Variants in CDH24 observed in about 807,000 individuals in gnomAD.
The protein encoded by CDH24 is cadherin-24.
A neutral mutation model predicts 71.2 loss-of-function variants in CDH24; 61 were observed. The ratio of observed to expected loss-of-function variants is 0.86; its 90% CI spans 0.70 to 1.06. The LOEUF is 1.06. Ranked by LOEUF, CDH24 falls within the 50% of genes least tolerant of loss-of-function variation. The pLI is 0.00. For missense variants in CDH24, 961 were observed against 1,083.7 expected (o/e 0.89, Z 1.59); for synonymous variants, 440 against 470.2 (o/e 0.94, Z 0.83).
At position 23,055,436 on chromosome 14, in the gene CDH24, A is replaced by T; in HGVS notation, c.202-83T>A. ...GTCTAGGTTTGGGTAGAGCGTTGGGAGTCCTGAGGGACCAAGGTCATTGCA... is the reference window on the plus strand; with the variant it reads ...GTCTAGGTTTGGGTAGAGCGTTGGGTGTCCTGAGGGACCAAGGTCATTGCA... On this transcript the variant is annotated intron_variant, in intron 2 of 12. Transcript: ENST00000487137. The surrounding 1 kb of genome is among the most constrained non-coding windows in gnomAD (Gnocchi z 4.1). 1 of 1,584,266 alleles carries T rather than the reference A, an allele frequency of 6.3e-7. No homozygotes were observed.
rs376932486 is a variant in CDH24, at chr14:23,047,943, GCC to G, written c.*35_*36del. On this transcript the variant is annotated 3_prime_UTR_variant, in exon 12 of 13. Transcript: ENST00000487137. ...CTCACTCAGAGGGCCTGTGCCCGCT[GCC>G]CCCCCCCCGCGGTGGGCCGGGCCAG... is the stretch of plus-strand genomic sequence containing the variant. 6 of 1,094,218 alleles carry G rather than the reference GCC, an allele frequency of 5.5e-6. No individual in the cohort carries two copies. The highest frequency in any genetic ancestry group is 7.9e-5 in the East Asian group (2 of 25,428). The allele number at this position is 1,094,218 out of a possible 1,614,324, so 67.8% of individuals were successfully genotyped here. A position where few individuals can be genotyped will look rare whatever the true frequency, so the allele number is the denominator to read the frequency against.
At chr14:23,052,445 G>A in intron 8 of CDH24, 28 bp downstream of exon 8, 1 of 1,612,482 alleles carries the variant, frequency 6.2e-7, no homozygotes, top group Admixed American at 1.7e-5. Flanking sequence ...GGAGGCTGCT[G>A]CCGCCTTGTG....
At position 23,055,375 on chromosome 14, in the gene CDH24, G is replaced by A. The variant is rs2047120782; in HGVS notation, c.202-22C>T. 1.9e-6 allele frequency: 3 copies of A among 1,599,780 alleles called. No individual in the cohort carries two copies. The highest frequency in any genetic ancestry group is 2.6e-6 in the Non-Finnish European group (3 of 1,168,864). On this transcript the variant is annotated intron_variant, in intron 2 of 12. Transcript: ENST00000487137. The surrounding 1 kb of genome is among the most constrained non-coding windows in gnomAD (Gnocchi z 4.1). ...GCAGCTGCAGGGGTCACGAAAAGAT[G>A]GCAGAGGGCTCCAAGTACAGAGACA...
Position 23,049,935 on chromosome 14 carries a change from C to T in CDH24, c.1372G>A (p.Ala458Thr). The T allele has an allele frequency of 6.2e-7, 1 of 1,613,406 alleles. No individual in the cohort carries two copies. ...TVLATELDSS[A>T]QASRVQVAIQ... The stretch of plus-strand genomic sequence containing the variant: ...GCCACTTGCACGCGCGAGGCCTGTG[C>T]AGAACTGTCTGAAGGCAGAACACCA... Residue 458 changes from alanine to threonine, a missense_variant, in exon 9 of 13, where the codon GCA becomes ACA. By Grantham distance (58) the Ala-to-Thr change is moderately conservative. This residue lies in a region of CDH24 where 671 missense variants were observed against 810.9 expected (regional missense o/e 0.83). Transcript: ENST00000487137.
rs752997456 is a variant in CDH24 at position 23,048,264 on chromosome 14, C to T, written c.2062G>A (p.Ala688Thr). ...PPARRDVLPR[A>T]RVSRQPRPPG... The stretch of plus-strand genomic sequence containing the variant: ...GGTCTGGGCTGGCGCGACACCCGGG[C>T]CCGGGGCAACACGTCTCGGCGCGCG... The change falls in exon 12 of 13, where the codon GCC becomes ACC. Residue 688 changes from alanine (A) to threonine (T), a missense_variant. Physicochemically the swap from Ala to Thr is moderately conservative, Grantham distance 58 (BLOSUM62 0). Transcript: ENST00000487137. 2.0e-6 allele frequency: 3 copies of T among 1,488,910 alleles called. No individual in the cohort carries two copies. Among genetic ancestry groups the T allele is most frequent in the South Asian group, 1.3e-5 (1 of 78,826 alleles). 92.2% of individuals were successfully genotyped at this position (1,488,910 alleles called of 1,614,324 possible).
Position 23,053,479 on chromosome 14 carries a change from C to T in CDH24, c.1226+17G>A. Reference sequence around the variant, plus strand: ...GCCTGCCATCTGGCTCCCCAGCCCACATCCCAGCTCACCTACCTGATTGGG... The same window carrying T: ...GCCTGCCATCTGGCTCCCCAGCCCATATCCCAGCTCACCTACCTGATTGGG... On this transcript the variant is annotated intron_variant, in intron 7 of 12. Coordinates refer to ENST00000487137, the MANE Select transcript of CDH24 (RefSeq NM_144985.4). 1.9e-6 allele frequency: 3 copies of T among 1,550,630 alleles called. No individual in the cohort carries two copies.
chr14:23,048,605 C>G, intron 11 of CDH24, 126 bp from the exon 12 acceptor site: 1 of 910,704 alleles, frequency 1.1e-6, no homozygotes, highest in Non-Finnish European at 1.7e-6. Flanking sequence ...ATCTAGCAAA[C>G]CTTGCATTGA....
chr14:23,047,709 C>T lies in CDH24; in HGVS notation c.*271G>A, dbSNP rs772085574. The T allele has an allele frequency of 1.0e-4, 32 of 312,076 alleles. No individual in the cohort carries two copies. The highest frequency in any genetic ancestry group is 1.6e-4 in the Non-Finnish European group (27 of 170,608). 19.3% of individuals were successfully genotyped at this position (312,076 alleles called of 1,614,324 possible). On this transcript the variant is annotated 3_prime_UTR_variant, in exon 12 of 13. Coordinates refer to ENST00000487137, the MANE Select transcript of CDH24 (RefSeq NM_144985.4). ...AAGGAGAGGAATCACAGTGAGAGAT[C>T]GCAGGGCCAGGGCCAGGGCAGGAAA...
chr14:23,053,461 A>G (rs762853301), intron 7 of CDH24, 35 bp downstream of exon 7: 14 of 1,525,068 alleles, frequency 9.2e-6, no homozygotes, highest in Admixed American at 2.0e-5. Context: ...AGAGCCTGCC[A>G]TCTGGCTCCC....
In CDH24 at chr14:23,047,955, C is replaced by A; in HGVS notation, c.*25G>T. The A allele has an allele frequency of 7.7e-7, 1 of 1,292,256 alleles. No homozygotes were observed. Among genetic ancestry groups the A allele is most frequent in the Non-Finnish European group, 9.8e-7 (1 of 1,023,398 alleles). 80.0% of individuals were successfully genotyped at this position (1,292,256 alleles called of 1,614,324 possible). On this transcript the variant is annotated 3_prime_UTR_variant, in exon 12 of 13. Transcript: ENST00000487137. ...GCCTGTGCCCGCTGCCCCCCCCCCGCGGTGGGCCGGGCCAGCCCGGGCGCT... is the reference window on the plus strand; with the variant it reads ...GCCTGTGCCCGCTGCCCCCCCCCCGAGGTGGGCCGGGCCAGCCCGGGCGCT...
Position 23,054,098 on chromosome 14 carries a change from G to A in CDH24, c.972+43C>T. The A allele has an allele frequency of 6.5e-7, 1 of 1,530,748 alleles. No individual in the cohort carries two copies. The highest frequency in any genetic ancestry group is 8.8e-7 in the Non-Finnish European group (1 of 1,135,190). 94.8% of individuals were successfully genotyped at this position (1,530,748 alleles called of 1,614,324 possible). ...TAAATATGTGCCCTGTGGGTCGGCA[G>A]GAGGCAGGTCTAAGAGAAAGCATTA... On this transcript the variant is annotated intron_variant, in intron 6 of 12. Transcript: ENST00000487137. This position sits in a 1 kb window ranked among gnomAD's most constrained non-coding sequence, Gnocchi z 5.2.
Position 23,057,410 on chromosome 14 carries a change from T to C in CDH24, c.-132A>G, listed in dbSNP as rs1008980320. 1 of 152,006 alleles carries C rather than the reference T, an allele frequency of 6.6e-6. No individual in the cohort carries two copies. 9.4% of individuals were successfully genotyped at this position (152,006 alleles called of 1,614,324 possible). A position where few individuals can be genotyped will look rare whatever the true frequency, so the allele number is the denominator to read the frequency against. On this transcript the variant is annotated 5_prime_UTR_variant, in exon 1 of 13. Transcript: ENST00000487137. The surrounding 1 kb of genome is among the most constrained non-coding windows in gnomAD (Gnocchi z 5.4). ...CGGGGCAGGCGCCCTTACCTGGCAC[T>C]GCCGAGGGGCCCAGGCCGGCGGGAA...
chr14:23,049,122 G>A lies in CDH24; in HGVS notation c.1751C>T (p.Ser584Phe). The part of the protein sequence containing the change: ...VSVCRCQPDG[S>F]VASCWPEAHL... ...AGCCTCAGGCCAGCAGGATGCCACA[G>A]AGCCGTCAGGCTGGCAGCGGCACAC... Residue 584 changes from serine (S) to phenylalanine (F), a missense_variant, in exon 11 of 13, where the codon TCT (serine) becomes TTT (phenylalanine). Physicochemically the swap from Ser to Phe is radical, Grantham distance 155. Around this residue, in one of 2 missense-constraint regions of CDH24, gnomAD observed 671 missense variants for 810.9 expected, o/e 0.83. Transcript: ENST00000487137. The A allele has an allele frequency of 6.2e-7, 1 of 1,607,164 alleles. No individual in the cohort carries two copies. Among genetic ancestry groups the A allele is most frequent in the Non-Finnish European group, 8.5e-7 (1 of 1,176,990 alleles).
In CDH24 at chr14:23,049,239, GC is replaced by G; in HGVS notation, c.1633del (p.Ala545LeufsTer12). The G allele has an allele frequency of 6.3e-7, 1 of 1,577,020 alleles. No homozygotes were observed. The highest frequency in any genetic ancestry group is 8.6e-7 in the Non-Finnish European group (1 of 1,160,796). ...CAAGTAGGGGGCATGGCGGGGTGGAGCAGGGCGGGAGGGCAGCAGCAGGCTG... is the reference window on the plus strand; with the variant it reads ...CAAGTAGGGGGCATGGCGGGGTGGAGAGGGCGGGAGGGCAGCAGCAGGCTG... ...SASLLLPSRP[A>X]PPRHAPYLVP... On this transcript the variant is annotated frameshift_variant, in exon 11 of 13. Coordinates refer to ENST00000487137, the MANE Select transcript of CDH24 (RefSeq NM_144985.4). LOFTEE classifies it high-confidence loss of function.
Position 23,049,197 on chromosome 14 carries a change from C to T in CDH24, c.1676G>A (p.Trp559Ter). The T allele has an allele frequency of 6.3e-7, 1 of 1,576,084 alleles. No homozygotes were observed. Among genetic ancestry groups the T allele is most frequent in the Non-Finnish European group, 8.6e-7 (1 of 1,160,284 alleles). The part of the protein sequence containing the change: ...HAPYLVPIEL[W>*]DWGQPALSST... Reference sequence around the variant, plus strand: ...GCTCAGCGCCGGCTGCCCCCAGTCCCACAGTTCTATGGGAACCAAGTAGGG... The same window carrying T: ...GCTCAGCGCCGGCTGCCCCCAGTCCTACAGTTCTATGGGAACCAAGTAGGG... The change falls in exon 11 of 13, where the codon TGG (tryptophan) becomes TAG (stop). Residue 559 changes from tryptophan (W) to a stop codon, truncating the protein, a stop_gained. Transcript: ENST00000487137. LOFTEE classifies it high-confidence loss of function.
intron 1 of CDH24, among the ~76,000 whole-genome samples, chr14:23,056,972 G>T (rs1383633393): frequency 1.1e-5 from 1 of 93,478 alleles, no homozygotes; most frequent in Non-Finnish European, 2.3e-5. Context: ...GAGAAGGCGG[G>T]ATGAGGAGGC....
chr14:23,050,072 T>G, intron 8 of CDH24, 129 bp from the exon 9 acceptor site: 2 of 1,294,718 alleles, frequency 1.5e-6, no homozygotes, highest in Non-Finnish European at 2.1e-6. Context: ...GAAATATGCA[T>G]GTAATGTACA....
Position 23,054,291 on chromosome 14 carries a change from A to G in CDH24, c.822T>C (p.Pro274=), listed in dbSNP as rs1049773409. The G allele has an allele frequency of 1.1e-5, 17 of 1,611,206 alleles. No individual in the cohort carries two copies. Among genetic ancestry groups the G allele is most frequent in the Non-Finnish European group, 1.3e-5 (15 of 1,178,352 alleles). Residue 274 remains proline (P), a synonymous_variant, in exon 6 of 13, where the codon CCT becomes CCC. Transcript: ENST00000487137. The surrounding 1 kb of genome is among the most constrained non-coding windows in gnomAD (Gnocchi z 5.2). ...YQFSVVETAG[P]GTLVGRLRAQ... is the part of the protein sequence containing the mutation. ...CCCGGAGCCGGCCCACCAGTGTGCC[A>G]GGTCCAGCTGTCTCCACCACGGAGA...
At chr14:23,048,909 C>T in intron 11 of CDH24, 118 bp downstream of exon 11, 1 of 1,212,990 alleles carries the variant, frequency 8.2e-7, no homozygotes, top group Non-Finnish European at 1.2e-6. Flanking sequence ...TGGGAAAATC[C>T]AGGTATGAGG....
Sources: gnomAD v4.1 joint callset for allele counts (sites outside exome capture counted in the v4.1 genomes callset) on GRCh38, gnomAD v4.1.1 for gene constraint, gnomAD v4.1.1 regional missense constraint, Gnocchi (gnomAD v3.1) non-coding constraint, MANE v1.5 for transcripts, NCBI Gene and HGNC (gene_info 2026-07-23, HGNC 2026-07-21) for gene names.